Variants in HCRTR2 observed in about 807,000 individuals in gnomAD.
HCRTR2 encodes hypocretin receptor 2.
HCRTR2 carries 22 observed loss-of-function variants against 49.0 expected under a neutral mutation model. The ratio of observed to expected loss-of-function variants is 0.45; its 90% CI spans 0.32 to 0.64. The LOEUF is 0.64. HCRTR2 is among the 30% of genes least tolerant of loss of function. HCRTR2 has a pLI of 0.04. For synonymous variants in HCRTR2, 236 were observed against 205.3 expected, an observed-to-expected ratio of 1.15 and a Z score of -1.28; for missense variants, 491 against 559.4, an observed-to-expected ratio of 0.88 and a Z score of 1.23.
intron 1 of HCRTR2, among the ~76,000 whole-genome samples, chr6:55,213,617 T>C (rs1765733966): frequency 1.3e-5 from 2 of 152,180 alleles, no homozygotes; most frequent in South Asian, 4.1e-4. Context: ...TCACTCTTCA[T>C]GGTCACTTCT....
chr6:55,172,364 C>A (rs914270967), upstream of HCRTR2, among the ~76,000 whole-genome samples: 1 of 151,942 alleles, frequency 6.6e-6, no homozygotes, highest in Non-Finnish European at 1.5e-5. Flanking sequence ...AACGTTTTCC[C>A]TATGTATTTG....
chr6:55,238,055 C>T (rs1766247452), intron 1 of HCRTR2, among the ~76,000 whole-genome samples: 1 of 152,124 alleles, frequency 6.6e-6, no homozygotes, highest in African/African-American at 2.4e-5. Context: ...GAGTATAGAA[C>T]CATAAATCTA....
chr6:55,232,193 A>G (rs9349772), intron 1 of HCRTR2, among the ~76,000 whole-genome samples: 50,312 of 152,078 alleles, frequency 0.33, 8,878 homozygotes, highest in African/African-American at 0.45. Context: ...ACATTAATTT[A>G]CATGTAATTC....
At position 55,255,221 on chromosome 6, in the gene HCRTR2, A is replaced by T; in HGVS notation, c.488A>T (p.Lys163Met). The change falls in exon 3 of 7, where the codon AAG becomes ATG. Residue 163 changes from lysine (K) to methionine (M), a missense_variant. By Grantham distance (95) the Lys-to-Met change is moderately conservative. Coordinates refer to ENST00000370862, the MANE Select transcript of HCRTR2 (RefSeq NM_001384272.1). ...GCAATCTGTCACCCTTTGATGTTTA[A>T]GAGCACAGCAAAGCGGGCCCGTAAC... Reference protein sequence around the residue: ...WYAICHPLMFKSTAKRARNSI... With the variant: ...WYAICHPLMFMSTAKRARNSI... The T allele has an allele frequency of 6.2e-7, 1 of 1,614,006 alleles. No individual in the cohort carries two copies. The highest frequency in any genetic ancestry group is 8.5e-7 in the Non-Finnish European group (1 of 1,179,952).
In HCRTR2 at chr6:55,226,075, T is replaced by G. The variant is rs1198137033; in HGVS notation, c.224-22564T>G. Among the ~76,000 whole-genome samples, 4 of 152,310 alleles carry G rather than the reference T, an allele frequency of 2.6e-5. No individual in the cohort carries two copies. In the East Asian group the frequency reaches 7.7e-4, roughly 29 times the overall value. Reference sequence around the variant, plus strand: ...AGGTCAGAAACATCCAATTGCAGCATCATTGGGAAATTTGTAAGAGCAGCT... The same window carrying G: ...AGGTCAGAAACATCCAATTGCAGCAGCATTGGGAAATTTGTAAGAGCAGCT... On this transcript the variant is annotated intron_variant, in intron 1 of 6. Coordinates refer to ENST00000370862, the MANE Select transcript of HCRTR2 (RefSeq NM_001384272.1).
upstream of HCRTR2, among the ~76,000 whole-genome samples, chr6:55,172,174 G>C (rs749461600): frequency 4.6e-5 from 7 of 152,188 alleles, no homozygotes; most frequent in Non-Finnish European, 7.4e-5. Context: ...TTTAAGGTCT[G>C]TTTAAACTTC....
chr6:55,124,394 G>T (rs569181989), intron 1 of HCRTR2, among the ~76,000 whole-genome samples: 1 of 152,306 alleles, frequency 6.6e-6, no homozygotes, highest in East Asian at 1.9e-4. Flanking sequence ...TTCAGGAGCA[G>T]GCTGTTCAGT....
At chr6:55,190,832 C>A (rs912676252) in intron 1 of HCRTR2, among the ~76,000 whole-genome samples, 6 of 152,084 alleles carry the variant, frequency 3.9e-5, no homozygotes, top group African/African-American at 1.4e-4. Context: ...CTTATCAAGT[C>A]AGAATTTCAG....
At chr6:55,240,199 T>C (rs1766298021) in intron 1 of HCRTR2, among the ~76,000 whole-genome samples, 1 of 150,954 alleles carries the variant, frequency 6.6e-6, no homozygotes, top group Non-Finnish European at 1.5e-5. Flanking sequence ...CTACTAAAAA[T>C]ACAAAAAAAT....
Position 55,174,621 on chromosome 6 carries a change from T to G in HCRTR2, c.34T>G (p.Cys12Gly). 1 of 1,614,030 alleles carries G rather than the reference T, an allele frequency of 6.2e-7. No individual in the cohort carries two copies. The change falls in exon 1 of 7, where the codon TGT becomes GGT. Residue 12 changes from cysteine to glycine, a missense_variant. Cys to Gly is a radical substitution (Grantham distance 159). Coordinates refer to ENST00000370862, the MANE Select transcript of HCRTR2 (RefSeq NM_001384272.1). The part of the protein sequence containing the change: ...SGTKLEDSPP[C>G]RNWSSASELN... ...CACCAAATTGGAGGACTCCCCCCCT[T>G]GTCGCAACTGGTCATCTGCTTCGGA...
chr6:55,259,761 G>T (rs1766720063), intron 3 of HCRTR2, among the ~76,000 whole-genome samples: 2 of 151,818 alleles, frequency 1.3e-5, no homozygotes, highest in African/African-American at 4.8e-5. Flanking sequence ...TTAAATTAAA[G>T]TAATGCTTAT....
At chr6:55,277,735 C>G (rs1309422343) in intron 5 of HCRTR2, 135 bp downstream of exon 5, 2 of 712,876 alleles carry the variant, frequency 2.8e-6, no homozygotes, top group South Asian at 3.3e-5. Context: ...CCAGATGACT[C>G]AGTTATGTTG....
chr6:55,239,990 C>T (rs1032807791), intron 1 of HCRTR2, among the ~76,000 whole-genome samples: 7 of 151,878 alleles, frequency 4.6e-5, no homozygotes, highest in South Asian at 4.2e-4. Flanking sequence ...TTGGCCAGGC[C>T]GGTCTTGAAC....
chr6:55,119,875 G>C (rs181453518), intron 1 of HCRTR2, among the ~76,000 whole-genome samples: 2 of 151,950 alleles, frequency 1.3e-5, no homozygotes, highest in African/African-American at 4.8e-5. Context: ...TATTGCCCAG[G>C]TTTTCTTCTA....
At chr6:55,221,421 G>T (rs943948756) in intron 1 of HCRTR2, among the ~76,000 whole-genome samples, 2 of 152,150 alleles carry the variant, frequency 1.3e-5, no homozygotes, top group Non-Finnish European at 2.9e-5. Context: ...CTATGGACAG[G>T]ATAGTCTCTT....
chr6:55,207,871 T>C (rs140961562), intron 1 of HCRTR2, among the ~76,000 whole-genome samples: 1 of 152,320 alleles, frequency 6.6e-6, no homozygotes, highest in East Asian at 1.9e-4. Flanking sequence ...TGAATGTTAA[T>C]ATATATCTGC....
At chr6:55,258,923 C>T (rs11758542) in intron 3 of HCRTR2, among the ~76,000 whole-genome samples, 9,539 of 151,914 alleles carry the variant, frequency 0.063, 438 homozygotes, top group African/African-American at 0.13. Context: ...TGGTGGTGGG[C>T]GCCTGTAATT....
chr6:55,163,255 CAACAAAAA>C (rs1331395627), intron 1 of HCRTR2, among the ~76,000 whole-genome samples: 3 of 111,176 alleles, frequency 2.7e-5, no homozygotes, highest in Admixed American at 8.3e-5. Flanking sequence ...AACAAACAAA[CAACAAAAA>C]AAAAAAAACT....
chr6:55,280,562 C>G, intron 6 of HCRTR2, 118 bp downstream of exon 6: 4 of 1,359,068 alleles, frequency 2.9e-6, no homozygotes, highest in Non-Finnish European at 4.1e-6. Flanking sequence ...TTTTCCCTGA[C>G]CTGATTTATC....
Sources: allele counts gnomAD v4.1 joint callset (sites outside exome capture counted in the v4.1 genomes callset), GRCh38; gene constraint gnomAD v4.1.1; transcripts MANE v1.5; gene names NCBI Gene and HGNC (gene_info 2026-07-23, HGNC 2026-07-21).